CDKN2B-AS1: variants seen among roughly 807,000 people sequenced by gnomAD.
CDKN2B-AS1 encodes the protein CDKN2B antisense RNA 1 (non-protein coding).
chr9:22,008,898 G>A (rs184392037), intron 1 of CDKN2B-AS1: 1 of 1,612,788 alleles, frequency 6.2e-7, no homozygotes, highest in Non-Finnish European at 8.5e-7. Context: ...CGCGGCGCTG[G>A]CCAGACCCTC....
intron 4 of CDKN2B-AS1, among the ~76,000 whole-genome samples, chr9:22,094,748 A>G (rs1365027537): frequency 1.4e-5 from 2 of 143,504 alleles, no homozygotes; most frequent in Non-Finnish European, 3.0e-5. Context: ...CTTCTTTGCC[A>G]TGGGTTCGAA....
intron 3 of CDKN2B-AS1, among the ~76,000 whole-genome samples, chr9:22,054,177 A>G (rs1288762300): frequency 6.6e-6 from 1 of 152,204 alleles, no homozygotes; most frequent in African/African-American, 2.4e-5. Flanking sequence ...TATCATTTCT[A>G]TTTTACAGAT....
At chr9:22,061,661 A>T (rs978583733) in intron 4 of CDKN2B-AS1, among the ~76,000 whole-genome samples, 23 of 152,098 alleles carry the variant, frequency 1.5e-4, no homozygotes, top group Non-Finnish European at 3.2e-4. Flanking sequence ...AATACTCAGA[A>T]TATTATTATT....
intron 4 of CDKN2B-AS1, among the ~76,000 whole-genome samples, chr9:22,073,867 A>T (rs1824391820): frequency 1.4e-5 from 2 of 145,150 alleles, no homozygotes; most frequent in African/African-American, 5.0e-5. Flanking sequence ...TACCTAGATA[A>T]TTTTTTTTTT....
intron 1 of CDKN2B-AS1, chr9:22,029,297 C>A: frequency 3.2e-6 from 2 of 630,254 alleles, no homozygotes. Context: ...AAGCTATTAC[C>A]GTCTTTATCA....
chr9:22,065,025 G>C (rs1321154956), intron 4 of CDKN2B-AS1, among the ~76,000 whole-genome samples: 5 of 152,134 alleles, frequency 3.3e-5, no homozygotes, highest in African/African-American at 1.2e-4. Flanking sequence ...CACTGTATCT[G>C]TAACACATTC....
Position 21,997,079 on chromosome 9 carries a change from G to T in CDKN2B-AS1, n.29+1918G>T, listed in dbSNP as rs1455862958. The stretch of plus-strand genomic sequence containing the variant: ...CATTCTCAGACATGTATCTTTAGGC[G>T]ATTTCATTGTTGTGCAAACATCATA... On this transcript the variant is annotated intron_variant and non_coding_transcript_variant, in intron 1 of 4. Coordinates refer to ENST00000650946, the Ensembl canonical transcript of CDKN2B-AS1. The surrounding 1 kb of genome is among the most constrained non-coding windows in gnomAD (Gnocchi z 4.8). Among the ~76,000 whole-genome samples the T allele has an allele frequency of 6.6e-6, 1 of 152,078 alleles. No homozygotes were observed. Among genetic ancestry groups the T allele is most frequent in the Admixed American group, 6.5e-5 (1 of 15,270 alleles).
chr9:22,031,004 C>T (rs905097636), intron 1 of CDKN2B-AS1: 2 of 152,104 alleles, frequency 1.3e-5, no homozygotes, highest in Non-Finnish European at 2.9e-5. Context: ...GCTTCTTAAA[C>T]CGGCATCATG....
chr9:22,091,250 T>G (rs993154303), intron 4 of CDKN2B-AS1, among the ~76,000 whole-genome samples: 8 of 152,196 alleles, frequency 5.3e-5, no homozygotes, highest in Non-Finnish European at 1.2e-4. Flanking sequence ...TAGTTTGAAG[T>G]CAGGTAGCGT....
At chr9:22,094,429 A>G (rs1373007370) in intron 4 of CDKN2B-AS1, among the ~76,000 whole-genome samples, 3 of 144,480 alleles carry the variant, frequency 2.1e-5, no homozygotes, top group Non-Finnish European at 4.4e-5. Context: ...ACTTGGTTCC[A>G]TTCTGCCCGT....
At chr9:22,071,285 CTTTTTTTTTTTTTT>C (rs71336509) in intron 4 of CDKN2B-AS1, among the ~76,000 whole-genome samples, 4 of 67,576 alleles carry the variant, frequency 5.9e-5, no homozygotes, top group Admixed American at 4.1e-4. Flanking sequence ...AAATATCTAG[CTTTTTTTTTTTTTT>C]TTTTTTTTTT....
intron 4 of CDKN2B-AS1, among the ~76,000 whole-genome samples, chr9:22,084,089 T>G (rs1824788295): frequency 6.6e-6 from 1 of 152,226 alleles, no homozygotes; most frequent in Non-Finnish European, 1.5e-5. Flanking sequence ...CTTGCACCAT[T>G]TCATTGGATT....
In CDKN2B-AS1 at chr9:21,995,360, C is replaced by T. The variant is rs1334000846; in HGVS notation, n.29+199C>T. 1 of 152,682 alleles carries T rather than the reference C, an allele frequency of 6.5e-6. No individual in the cohort carries two copies. The highest frequency in any genetic ancestry group is 6.5e-5 in the Admixed American group (1 of 15,290). 9.5% of individuals were successfully genotyped at this position (152,682 alleles called of 1,614,324 possible). A position where few individuals can be genotyped will look rare whatever the true frequency, so the allele number is the denominator to read the frequency against. ...TCCTCTTTCCTCTTCCCCCGCGCTC[C>T]CCTCCCCTGCTGGCCGCTCCCCTCC... On this transcript the variant is annotated intron_variant and non_coding_transcript_variant, in intron 1 of 4. Coordinates refer to ENST00000650946, the Ensembl canonical transcript of CDKN2B-AS1. The surrounding 1 kb of genome is among the most constrained non-coding windows in gnomAD (Gnocchi z 5.7).
chr9:22,027,035 G>C (rs930198675), intron 1 of CDKN2B-AS1, among the ~76,000 whole-genome samples: 1 of 152,126 alleles, frequency 6.6e-6, no homozygotes, highest in Non-Finnish European at 1.5e-5. Context: ...TTGTTTCCTT[G>C]ATTACTTCCA....
chr9:22,015,617 A>T (rs955934648), intron 1 of CDKN2B-AS1, among the ~76,000 whole-genome samples: 1 of 151,828 alleles, frequency 6.6e-6, no homozygotes, highest in Non-Finnish European at 1.5e-5. Context: ...TCCCCCATTT[A>T]TTTTTATTTA....
At chr9:22,088,273 T>C (rs1397576484) in intron 4 of CDKN2B-AS1, among the ~76,000 whole-genome samples, 1 of 152,198 alleles carries the variant, frequency 6.6e-6, no homozygotes, top group African/African-American at 2.4e-5. Flanking sequence ...AATGTTGCAA[T>C]GTTTTATTAT....
At chr9:21,998,975 TAAA>T (rs535718873) in intron 1 of CDKN2B-AS1, among the ~76,000 whole-genome samples, 3 of 151,774 alleles carry the variant, frequency 2.0e-5, no homozygotes, top group African/African-American at 7.3e-5. Context: ...AACAATCCAA[TAAA>T]AAAGGCAAAG....
chr9:22,057,276 T>C, intron 4 of CDKN2B-AS1, among the ~76,000 whole-genome samples: 1 of 152,220 alleles, frequency 6.6e-6, no homozygotes, highest in East Asian at 1.9e-4. Context: ...CCAAAAGGCC[T>C]TCACATTCTC....
At position 21,999,042 on chromosome 9, in the gene CDKN2B-AS1, T is replaced by A. The variant is rs1820810249; in HGVS notation, n.29+3881T>A. On this transcript the variant is annotated intron_variant and non_coding_transcript_variant, in intron 1 of 4. Coordinates refer to ENST00000650946, the Ensembl canonical transcript of CDKN2B-AS1. This position sits in a 1 kb window ranked among gnomAD's most constrained non-coding sequence, Gnocchi z 4.7. The stretch of plus-strand genomic sequence containing the variant: ...CAAATAGTAAAAAATAAAAAGATAA[T>A]CTTACTCATTAATAAATGTAAACAG... Among the ~76,000 whole-genome samples, 1 of 151,958 alleles carries A rather than the reference T, an allele frequency of 6.6e-6. No individual in the cohort carries two copies.
Sources: allele counts gnomAD v4.1 joint callset (sites outside exome capture counted in the v4.1 genomes callset), GRCh38; gene constraint gnomAD v4.1.1; non-coding constraint Gnocchi (gnomAD v3.1); transcripts MANE v1.5; gene names NCBI Gene and HGNC (gene_info 2026-07-23, HGNC 2026-07-21).